CFAP58: variants seen among roughly 807,000 people sequenced by gnomAD.
CFAP58 encodes cilia- and flagella-associated protein 58.
Under a neutral mutation model 119.5 loss-of-function variants are expected in CFAP58, and 88 were observed. That is an observed-to-expected ratio of 0.74 (90% CI 0.62 to 0.88). CFAP58 has a LOEUF of 0.88. Among genes scored for constraint, CFAP58 ranks in the 40% least tolerant of loss-of-function variants. The pLI, the probability that CFAP58 is intolerant of heterozygous loss-of-function variation, is 0.00. For missense variants in CFAP58, 990 were observed against 1,021.2 expected (o/e 0.97, Z 0.42); for synonymous variants, 365 against 366.3 (o/e 1.00, Z 0.04).
At chr10:104,403,084 C>T (rs1238181891) in intron 13 of CFAP58, among the ~76,000 whole-genome samples, 1 of 152,178 alleles carries the variant, frequency 6.6e-6, no homozygotes, top group African/African-American at 2.4e-5. Context: ...TCTGTGTCCC[C>T]ACCCACATCT....
chr10:104,425,841 C>G (rs2012735491), intron 15 of CFAP58, among the ~76,000 whole-genome samples: 1 of 152,046 alleles, frequency 6.6e-6, no homozygotes, highest in Non-Finnish European at 1.5e-5. Flanking sequence ...GGCTAAAGGA[C>G]CAGATAAGGA....
At chr10:104,347,542 A>G in the CFAP58 span, among the ~76,000 whole-genome samples, 1 of 152,034 alleles carries the variant, frequency 6.6e-6, no homozygotes, top group African/African-American at 2.4e-5. Flanking sequence ...TGGAGGAAAA[A>G]TATTAGATAT....
At chr10:104,359,967 A>G (rs1037767601) in intron 2 of CFAP58, among the ~76,000 whole-genome samples, 13 of 152,232 alleles carry the variant, frequency 8.5e-5, no homozygotes, top group Non-Finnish European at 1.6e-4. Flanking sequence ...TATAGCACAT[A>G]TGGTTGCTAC....
chr10:104,374,819 C>T (rs1445587232), intron 7 of CFAP58, among the ~76,000 whole-genome samples: 1 of 145,650 alleles, frequency 6.9e-6, no homozygotes, highest in East Asian at 2.0e-4. Context: ...TGAATAAGAA[C>T]TTTCACAGGA....
chr10:104,395,640 T>A (rs965970700), intron 11 of CFAP58, among the ~76,000 whole-genome samples: 2 of 152,226 alleles, frequency 1.3e-5, no homozygotes, highest in Non-Finnish European at 2.9e-5. Context: ...TCTTGACTTT[T>A]TTAGCCTAAG....
intron 15 of CFAP58, among the ~76,000 whole-genome samples, chr10:104,425,853 T>C (rs2012735656): frequency 6.6e-6 from 1 of 151,598 alleles, no homozygotes; most frequent in East Asian, 1.9e-4. Context: ...AGATAAGGAG[T>C]AGCTGTGATT....
At chr10:104,433,634 C>G (rs1276273674) in intron 15 of CFAP58, among the ~76,000 whole-genome samples, 1 of 152,298 alleles carries the variant, frequency 6.6e-6, no homozygotes, top group Admixed American at 6.5e-5. Context: ...GCTCTGAGCC[C>G]ATCCCATGAT....
chr10:104,419,826 C>A (rs1485150918), intron 15 of CFAP58, among the ~76,000 whole-genome samples: 1 of 152,072 alleles, frequency 6.6e-6, no homozygotes, highest in East Asian at 1.9e-4. Context: ...TACATTGTTA[C>A]CTAAGATTCT....
chr10:104,385,370 G>A (rs1427193358), intron 9 of CFAP58, among the ~76,000 whole-genome samples: 2 of 152,088 alleles, frequency 1.3e-5, no homozygotes, highest in African/African-American at 4.8e-5. Flanking sequence ...ATCCAACATG[G>A]CGTTACTGCT....
rs75151134 is a variant in CFAP58, at chr10:104,443,544, A to T, written c.2257-4154A>T. Among the ~76,000 whole-genome samples the T allele has an allele frequency of 2.9e-3, 444 of 152,382 alleles. 3 individuals carry two copies. Among genetic ancestry groups the T allele is most frequent in the African/African-American group, 0.01 (422 of 41,592 alleles). On this transcript the variant is annotated intron_variant, in intron 15 of 17. Coordinates refer to ENST00000369704, the MANE Select transcript of CFAP58 (RefSeq NM_001008723.2). ...ACTGGCATTTGCCAAATACAGATTC[A>T]GATGAAAATGGAATAAATTAGTTCC... is the stretch of plus-strand genomic sequence containing the variant.
At chr10:104,454,359 T>A (rs1453891172) in intron 17 of CFAP58, 63 bp from the exon 18 acceptor site, 9 of 1,297,150 alleles carry the variant, frequency 6.9e-6, no homozygotes, top group Non-Finnish European at 1.0e-5. Flanking sequence ...CCTAGGATTA[T>A]CAAATGTCAA....
chr10:104,453,768 G>GTGTGTA (rs1336242990), intron 17 of CFAP58, among the ~76,000 whole-genome samples: 1 of 150,658 alleles, frequency 6.6e-6, no homozygotes, highest in African/African-American at 2.4e-5. Flanking sequence ...ATGAGTGTGT[G>GTGTGTA]TGTGTGTGTG....
intron 14 of CFAP58, 37 bp downstream of exon 14, chr10:104,403,877 C>T: frequency 7.5e-7 from 1 of 1,340,116 alleles, no homozygotes; most frequent in South Asian, 1.2e-5. Flanking sequence ...ATCCCCAAAT[C>T]TCTCCTCCTA....
chr10:104,400,809 T>A lies in CFAP58; in HGVS notation c.1945T>A (p.Leu649Met). The A allele has an allele frequency of 6.2e-7, 1 of 1,614,122 alleles. No homozygotes were observed. The highest frequency in any genetic ancestry group is 1.3e-5 in the African/African-American group (1 of 75,026). The change falls in exon 13 of 18, where the codon TTG becomes ATG. Residue 649 changes from leucine to methionine, a missense_variant. By Grantham distance (15) the Leu-to-Met change is conservative (BLOSUM62 2). Coordinates refer to ENST00000369704, the MANE Select transcript of CFAP58 (RefSeq NM_001008723.2). ...NKGESQYNQR[L>M]EDMRILRLEI... is the part of the protein sequence containing the mutation. Reference sequence around the variant, plus strand: ...AGGGGAGAGCCAGTACAACCAGAGGTTGGAGGACATGAGAATCCTCAGACT... The same window carrying A: ...AGGGGAGAGCCAGTACAACCAGAGGATGGAGGACATGAGAATCCTCAGACT...
At chr10:104,340,096 C>G in the CFAP58 span, among the ~76,000 whole-genome samples, 1 of 152,170 alleles carries the variant, frequency 6.6e-6, no homozygotes, top group African/African-American at 2.4e-5. Flanking sequence ...ATTTGTTTTG[C>G]TTTTAACCTG....
intron 15 of CFAP58, among the ~76,000 whole-genome samples, chr10:104,441,147 C>T (rs375974236): frequency 2.0e-5 from 3 of 152,136 alleles, no homozygotes; most frequent in Admixed American, 1.3e-4. Context: ...GGATTACAGG[C>T]GCCTGCCACC....
chr10:104,359,721 A>C (rs1160454830), intron 2 of CFAP58, among the ~76,000 whole-genome samples: 1 of 152,202 alleles, frequency 6.6e-6, no homozygotes, highest in African/African-American at 2.4e-5. Flanking sequence ...CACTTGAACC[A>C]GGAGGTGGAG....
intron 15 of CFAP58, among the ~76,000 whole-genome samples, chr10:104,432,896 A>G (rs1365511447): frequency 6.6e-6 from 1 of 152,200 alleles, no homozygotes; most frequent in Admixed American, 6.5e-5. Flanking sequence ...TATAATATAA[A>G]AACTCTGACT....
At chr10:104,398,518 A>G (rs2012203877) in intron 11 of CFAP58, among the ~76,000 whole-genome samples, 1 of 152,210 alleles carries the variant, frequency 6.6e-6, no homozygotes, top group Non-Finnish European at 1.5e-5. Flanking sequence ...ATGCACTTTG[A>G]TGAGACAAAA....
Sources: gnomAD v4.1 joint callset for allele counts (sites outside exome capture counted in the v4.1 genomes callset) on GRCh38, gnomAD v4.1.1 for gene constraint, MANE v1.5 for transcripts, NCBI Gene and HGNC (gene_info 2026-07-23, HGNC 2026-07-21) for gene names.